The following CDC42BPA variants were observed in gnomAD, a reference collection of about 807,000 sequenced individuals.
CDC42BPA encodes the protein CDC42 binding protein kinase alpha, also known as serine/threonine-protein kinase MRCK alpha.
CDC42BPA carries 80 observed loss-of-function variants against 223.5 expected under a neutral mutation model. The ratio of observed to expected loss-of-function variants is 0.36; its 90% CI spans 0.30 to 0.43. CDC42BPA has a LOEUF of 0.43. Ranked by LOEUF, CDC42BPA falls within the 20% of genes least tolerant of loss-of-function variation. CDC42BPA has a pLI of 1.00. For missense variants in CDC42BPA, 1,743 were observed against 2,099.9 expected, an observed-to-expected ratio of 0.83 and a Z score of 3.32; for synonymous variants, 694 against 718.6, an observed-to-expected ratio of 0.97 and a Z score of 0.55.
intron 11 of CDC42BPA, among the ~76,000 whole-genome samples, chr1:227,127,991 G>A (rs990189834): frequency 4.6e-5 from 7 of 152,034 alleles, no homozygotes; most frequent in Non-Finnish European, 1.0e-4. Context: ...ATCATGTAAT[G>A]CCTCTAAACC....
At chr1:227,113,019 CCTTAGGACAAATTAAAAGAAA>C in intron 12 of CDC42BPA, 106 bp from the exon 13 acceptor site, 1 of 1,013,738 alleles carries the variant, frequency 9.9e-7, no homozygotes, top group Non-Finnish European at 1.5e-6. Context: ...AAATTATTCA[CCTTAGGACAAATTAAAAGAAA>C]TAAACTACTT....
intron 10 of CDC42BPA, among the ~76,000 whole-genome samples, chr1:227,133,430 C>T (rs889831208): frequency 2.0e-5 from 3 of 152,154 alleles, no homozygotes; most frequent in Non-Finnish European, 4.4e-5. Flanking sequence ...GTGAGGAGCC[C>T]CTCTGCCCGG....
intron 1 of CDC42BPA, among the ~76,000 whole-genome samples, chr1:227,293,680 C>T (rs1690102490): frequency 6.6e-6 from 1 of 152,020 alleles, no homozygotes. Context: ...ACAAAATCAG[C>T]CGGGCATGGT....
At chr1:227,316,886 CTGTT>C (rs1379447261) in intron 1 of CDC42BPA, 115 bp downstream of exon 1, 11 of 730,440 alleles carry the variant, frequency 1.5e-5, no homozygotes, top group South Asian at 9.5e-5. Context: ...TAACTAGTGT[CTGTT>C]TTTTTATTGT....
intron 21 of CDC42BPA, among the ~76,000 whole-genome samples, chr1:227,065,010 T>C (rs930663744): frequency 5.9e-5 from 9 of 151,866 alleles, no homozygotes; most frequent in Non-Finnish European, 1.0e-4. Flanking sequence ...GGCAGGAGAA[T>C]GGCGTGAACC....
chr1:227,307,335 A>T (rs1156737510), intron 1 of CDC42BPA, among the ~76,000 whole-genome samples: 1 of 152,198 alleles, frequency 6.6e-6, no homozygotes, highest in Non-Finnish European at 1.5e-5. Flanking sequence ...TTGGAAATTG[A>T]TATAAATTGT....
intron 15 of CDC42BPA, among the ~76,000 whole-genome samples, chr1:227,093,051 T>C (rs1683376129): frequency 6.6e-6 from 1 of 152,250 alleles, no homozygotes; most frequent in Non-Finnish European, 1.5e-5. Flanking sequence ...CTCCTTTTCT[T>C]ATGAAGCCCA....
intron 30 of CDC42BPA, among the ~76,000 whole-genome samples, chr1:227,027,434 A>C (rs1295517651): frequency 1.3e-5 from 2 of 152,062 alleles, no homozygotes; most frequent in Non-Finnish European, 2.9e-5. Flanking sequence ...CCTGCCCCCA[A>C]GTAATTCTTG....
rs573531204 is a variant in CDC42BPA, at chr1:227,280,057, C to CA, written c.179-25903dup. Among the ~76,000 whole-genome samples the CA allele has an allele frequency of 5.2e-3, 777 of 148,562 alleles. 29 individuals carry two copies. Among genetic ancestry groups the CA allele is most frequent in the Admixed American group, 0.045 (671 of 14,980 alleles). ...TGGGCCACAGAGCAAGACTCCATCT[C>CA]AAAAAAAAGAAAAAAAGATACAAAG... On this transcript the variant is annotated intron_variant, in intron 1 of 36. Coordinates refer to ENST00000366766, the MANE Select transcript of CDC42BPA (RefSeq NM_001394014.1).
chr1:227,078,750 G>C (rs1268525821), intron 17 of CDC42BPA, among the ~76,000 whole-genome samples: 2 of 152,066 alleles, frequency 1.3e-5, no homozygotes, highest in Non-Finnish European at 2.9e-5. Flanking sequence ...TTTGTCCCAG[G>C]AAACATTTAA....
chr1:227,115,359 C>T (rs1487494533), intron 12 of CDC42BPA, among the ~76,000 whole-genome samples: 1 of 152,014 alleles, frequency 6.6e-6, no homozygotes, highest in Non-Finnish European at 1.5e-5. Flanking sequence ...AAATTCAATA[C>T]ACTAAGAAGA....
At chr1:227,314,197 T>G (rs756033130) in intron 1 of CDC42BPA, among the ~76,000 whole-genome samples, 6 of 152,114 alleles carry the variant, frequency 3.9e-5, no homozygotes, top group Admixed American at 6.5e-5. Flanking sequence ...TGACATCGAC[T>G]ATTACTGTAT....
intron 12 of CDC42BPA, among the ~76,000 whole-genome samples, chr1:227,117,881 A>G (rs752472144): frequency 9.8e-5 from 15 of 152,308 alleles, no homozygotes; most frequent in South Asian, 2.1e-4. Context: ...TATAACTCAC[A>G]AAAGATTAGA....
intron 21 of CDC42BPA, among the ~76,000 whole-genome samples, chr1:227,053,480 A>T (rs914207521): frequency 6.6e-6 from 1 of 152,136 alleles, no homozygotes; most frequent in Non-Finnish European, 1.5e-5. Flanking sequence ...CTCAATATTT[A>T]AAAAACTGGG....
intron 14 of CDC42BPA, among the ~76,000 whole-genome samples, chr1:227,109,712 A>G (rs1398269583): frequency 6.9e-6 from 1 of 145,404 alleles, no homozygotes; most frequent in Admixed American, 6.8e-5. Context: ...TATTTGTAAA[A>G]TTTTTATTTG....
At position 227,101,204 on chromosome 1, in the gene CDC42BPA, G is replaced by T; in HGVS notation, c.2037C>A (p.Ser679Arg). The T allele has an allele frequency of 1.2e-6, 2 of 1,601,132 alleles. No homozygotes were observed. Among genetic ancestry groups the T allele is most frequent in the Non-Finnish European group, 1.7e-6 (2 of 1,170,836 alleles). The change falls in exon 15 of 37, where the codon AGC becomes AGA. Residue 679 changes from serine to arginine, a missense_variant. By Grantham distance (110) the Ser-to-Arg change is moderately radical. Transcript: ENST00000366766. Reference protein sequence around the residue: ...KQISYSPGVCSIEHQQEITKL... With the variant: ...KQISYSPGVCRIEHQQEITKL... ...TGGTTATCTCTTGCTGATGTTCTATGCTGCATACTCCTGGTGAGTAACTAA... is the reference window on the plus strand; with the variant it reads ...TGGTTATCTCTTGCTGATGTTCTATTCTGCATACTCCTGGTGAGTAACTAA...
intron 5 of CDC42BPA, among the ~76,000 whole-genome samples, chr1:227,168,497 G>GTTTTTTTTTTTGTTTTTTTT (rs1665481877): frequency 1.2e-5 from 1 of 80,196 alleles, no homozygotes; most frequent in African/African-American, 5.0e-5. Context: ...CTTCCCTGGT[G>GTTTTTTTTTTTGTTTTTTTT]TTTTTTTTTT....
At chr1:227,223,218 T>C (rs561662998) in intron 2 of CDC42BPA, among the ~76,000 whole-genome samples, 3 of 152,122 alleles carry the variant, frequency 2.0e-5, no homozygotes, top group African/African-American at 7.2e-5. Flanking sequence ...GAGGATGGGA[T>C]AGTTTGGGAA....
intron 35 of CDC42BPA, among the ~76,000 whole-genome samples, chr1:227,000,253 T>G (rs1238759086): frequency 2.6e-5 from 4 of 152,144 alleles, no homozygotes; most frequent in Admixed American, 2.6e-4. Flanking sequence ...CCACATGCAC[T>G]GGTCTTCATT....
Sources: gnomAD v4.1 joint callset for allele counts (sites outside exome capture counted in the v4.1 genomes callset) on GRCh38, gnomAD v4.1.1 for gene constraint, MANE v1.5 for transcripts, NCBI Gene and HGNC (gene_info 2026-07-23, HGNC 2026-07-21) for gene names.